The following GRID1 variants were observed in gnomAD, a reference collection of about 807,000 sequenced individuals.
GRID1 encodes glutamate receptor ionotropic, delta-1.
GRID1 carries 28 observed loss-of-function variants against 98.0 expected under a neutral mutation model. The ratio of observed to expected loss-of-function variants is 0.29; its 90% CI spans 0.21 to 0.39. The LOEUF is 0.39. Among genes scored for constraint, GRID1 ranks in the 10% least tolerant of loss-of-function variants. The probability of loss-of-function intolerance (pLI) is 1.00; values close to 1 mark genes in which losing one functional copy is unlikely to be tolerated. For synonymous variants in GRID1, 553 were observed against 538.5 expected, an observed-to-expected ratio of 1.03 and a Z score of -0.37; for missense variants, 1,111 against 1,340.5, an observed-to-expected ratio of 0.83 and a Z score of 2.67.
intron 3 of GRID1, among the ~76,000 whole-genome samples, chr10:86,167,871 C>G (rs1481953936): frequency 2.0e-5 from 3 of 152,030 alleles, no homozygotes; most frequent in African/African-American, 7.2e-5. Flanking sequence ...ACGCTGTGCT[C>G]CAGCAGAGGA....
intron 8 of GRID1, among the ~76,000 whole-genome samples, chr10:85,813,201 T>C (rs1378062747): frequency 6.6e-6 from 1 of 151,262 alleles, no homozygotes; most frequent in African/African-American, 2.4e-5. Flanking sequence ...CATTCCAAAT[T>C]TGATAAAATA....
At chr10:86,316,937 T>C (rs1484901229) in intron 2 of GRID1, among the ~76,000 whole-genome samples, 4 of 152,216 alleles carry the variant, frequency 2.6e-5, no homozygotes, top group Non-Finnish European at 4.4e-5. Flanking sequence ...CTAAAATGCA[T>C]ATCCTCAGCC....
At chr10:85,621,652 G>A (rs1564680034) in intron 13 of GRID1, among the ~76,000 whole-genome samples, 1 of 152,070 alleles carries the variant, frequency 6.6e-6, no homozygotes, top group Non-Finnish European at 1.5e-5. Flanking sequence ...TTCACCTCGA[G>A]GAGCAATCCA....
In GRID1 at chr10:86,139,032, G is replaced by A. The variant is rs200798101; in HGVS notation, c.521-8C>T. On this transcript the variant is annotated splice_region_variant and splice_polypyrimidine_tract_variant and intron_variant, in intron 3 of 15. Coordinates refer to ENST00000327946, the MANE Select transcript of GRID1 (RefSeq NM_017551.3). ...TTTGAAGCCCACGGATATCTGAGCA[G>A]TGAGAGAAGAGGAGGAAAAGAAAAA... 8.1e-6 allele frequency: 13 copies of A among 1,602,288 alleles called. No individual in the cohort carries two copies. The African/African-American group carries it at 1.6e-4, about 20-fold the overall frequency.
chr10:85,799,549 C>T (rs1040844140), intron 8 of GRID1, among the ~76,000 whole-genome samples: 3 of 151,920 alleles, frequency 2.0e-5, no homozygotes, highest in Non-Finnish European at 4.4e-5. Flanking sequence ...ATAAAAAAGA[C>T]TTAAATCTTG....
chr10:85,924,423 G>A (rs1333242598), intron 4 of GRID1, among the ~76,000 whole-genome samples: 1 of 152,210 alleles, frequency 6.6e-6, no homozygotes, highest in African/African-American at 2.4e-5. Flanking sequence ...TAAAGTGGAG[G>A]AATGCAAGAT....
At chr10:86,076,391 G>A (rs1270647063) in intron 4 of GRID1, among the ~76,000 whole-genome samples, 1 of 152,224 alleles carries the variant, frequency 6.6e-6, no homozygotes, top group Admixed American at 6.5e-5. Flanking sequence ...AGGCCAGCTG[G>A]TCTGGGGTAC....
At chr10:85,892,877 A>G (rs1841225430) in intron 5 of GRID1, among the ~76,000 whole-genome samples, 1 of 152,152 alleles carries the variant, frequency 6.6e-6, no homozygotes, top group African/African-American at 2.4e-5. Context: ...CACTACCCTG[A>G]TAACAAAACC....
At position 86,167,625 on chromosome 10, in the gene GRID1, C is replaced by A. The variant is rs138684728; in HGVS notation, c.521-28601G>T. 4.2e-3 allele frequency among the ~76,000 whole-genome samples: 646 copies of A among 152,256 alleles called. 4 individuals carry two copies. Among genetic ancestry groups the A allele is most frequent in the Non-Finnish European group, 7.9e-3 (534 of 68,002 alleles). The stretch of plus-strand genomic sequence containing the variant: ...CCATCTTAGCTGGTCCTCCCCACGG[C>A]CAGGCAGGGTCCATAGCATTGTAGC... On this transcript the variant is annotated intron_variant, in intron 3 of 15. Transcript: ENST00000327946.
intron 12 of GRID1, among the ~76,000 whole-genome samples, chr10:85,703,708 T>C (rs974777607): frequency 6.6e-6 from 1 of 152,074 alleles, no homozygotes; most frequent in African/African-American, 2.4e-5. Context: ...ATAGTAATAA[T>C]AATGGTAACA....
At chr10:86,143,555 TC>T (rs1348630335) in intron 3 of GRID1, among the ~76,000 whole-genome samples, 2 of 152,018 alleles carry the variant, frequency 1.3e-5, no homozygotes, top group Non-Finnish European at 2.9e-5. Flanking sequence ...TCCCAGGGCC[TC>T]CCCAGCAAGC....
chr10:86,099,668 T>C (rs1476542040), intron 4 of GRID1, among the ~76,000 whole-genome samples: 1 of 152,204 alleles, frequency 6.6e-6, no homozygotes, highest in Admixed American at 6.5e-5. Flanking sequence ...GCCCTCCCTC[T>C]GTGACTCTCC....
intron 2 of GRID1, among the ~76,000 whole-genome samples, chr10:86,289,928 T>C (rs540280231): frequency 1.3e-5 from 2 of 152,210 alleles, no homozygotes; most frequent in South Asian, 2.1e-4. Flanking sequence ...CTCTTTGTCA[T>C]TGGGTGGGAA....
In GRID1 at chr10:85,845,575, A is replaced by G. The variant is rs557340706; in HGVS notation, c.1233+8921T>C. 2.1e-4 allele frequency among the ~76,000 whole-genome samples: 32 copies of G among 152,336 alleles called. No individual in the cohort carries two copies. In the South Asian group the frequency reaches 6.6e-3, roughly 32 times the overall value. On this transcript the variant is annotated intron_variant, in intron 8 of 15. Transcript: ENST00000327946. ...ATTTTAAAATGTATAAGAAAATACA[A>G]AGAGTCAAGAATCACCAAGTCTGTC... is the stretch of plus-strand genomic sequence containing the variant.
intron 5 of GRID1, among the ~76,000 whole-genome samples, chr10:85,904,317 G>A (rs1187296870): frequency 3.3e-5 from 5 of 152,200 alleles, no homozygotes; most frequent in Admixed American, 1.3e-4. Context: ...CAGGAAACAA[G>A]GTGAGTTTTA....
At chr10:86,154,633 G>A (rs1845219142) in intron 3 of GRID1, among the ~76,000 whole-genome samples, 1 of 152,190 alleles carries the variant, frequency 6.6e-6, no homozygotes, top group African/African-American at 2.4e-5. Context: ...ATGGAGCCTG[G>A]CATGCAATAG....
chr10:86,203,001 G>T (rs1845975415), intron 3 of GRID1, among the ~76,000 whole-genome samples: 1 of 152,180 alleles, frequency 6.6e-6, no homozygotes, highest in Admixed American at 6.5e-5. Flanking sequence ...ATGATGCCTT[G>T]GCTAAATGCA....
chr10:86,089,200 C>G (rs572654016), intron 4 of GRID1, among the ~76,000 whole-genome samples: 1 of 152,190 alleles, frequency 6.6e-6, no homozygotes, highest in East Asian at 1.9e-4. Flanking sequence ...ACACCGCCCC[C>G]CTACATGGTG....
At chr10:86,278,712 C>T (rs554563572) in intron 2 of GRID1, among the ~76,000 whole-genome samples, 1 of 152,232 alleles carries the variant, frequency 6.6e-6, no homozygotes, top group Admixed American at 6.5e-5. Context: ...ACTACTAATG[C>T]TCACTCAAGA....
Sources: allele counts gnomAD v4.1 joint callset (sites outside exome capture counted in the v4.1 genomes callset), GRCh38; gene constraint gnomAD v4.1.1; transcripts MANE v1.5; gene names NCBI Gene and HGNC (gene_info 2026-07-23, HGNC 2026-07-21).